Variants in TRAPPC8 observed in about 807,000 individuals in gnomAD.
TRAPPC8 encodes trafficking protein particle complex subunit 8.
A neutral mutation model predicts 174.3 loss-of-function variants in TRAPPC8; 54 were observed. The ratio of observed to expected loss-of-function variants is 0.31; its 90% CI spans 0.25 to 0.39. The LOEUF (loss-of-function observed/expected upper bound fraction) is 0.39, where lower values mean the gene tolerates loss of function less well. Ranked by LOEUF, TRAPPC8 falls within the 10% of genes least tolerant of loss-of-function variation. TRAPPC8 has a pLI of 1.00. For synonymous variants in TRAPPC8, 630 were observed against 579.9 expected (o/e 1.09, Z -1.24); for missense variants, 1,531 against 1,699.1 (o/e 0.90, Z 1.74).
intron 26 of TRAPPC8, chr18:31,844,575 T>G (rs1346841978): frequency 2.6e-5 from 4 of 152,098 alleles, no homozygotes; most frequent in Non-Finnish European, 4.4e-5. Flanking sequence ...GACTTCTAAA[T>G]TATACTGAAT....
chr18:31,882,641 G>C (rs1345919886), intron 12 of TRAPPC8, among the ~76,000 whole-genome samples: 1 of 151,850 alleles, frequency 6.6e-6, no homozygotes, highest in Non-Finnish European at 1.5e-5. Flanking sequence ...TTTCGAGACA[G>C]AGTCTCGCTC....
chr18:31,839,519 AGCAT>A, intron 26 of TRAPPC8, 62 bp from the exon 27 acceptor site: 1 of 1,388,850 alleles, frequency 7.2e-7, no homozygotes, highest in African/African-American at 1.5e-5. Context: ...AAAAAAAAAA[AGCAT>A]AGTGTATATA....
chr18:31,877,855 A>T (rs2035236894), intron 12 of TRAPPC8, among the ~76,000 whole-genome samples: 1 of 150,592 alleles, frequency 6.6e-6, no homozygotes, highest in Non-Finnish European at 1.5e-5. Context: ...TCCAGGAGGC[A>T]GAGATTGCAG....
intron 2 of TRAPPC8, among the ~76,000 whole-genome samples, chr18:31,918,056 GT>G (rs2037225360): frequency 1.3e-5 from 2 of 152,078 alleles, no homozygotes; most frequent in Non-Finnish European, 2.9e-5. Flanking sequence ...AACCCGGGAG[GT>G]GGGGGTTGAA....
Position 31,900,974 on chromosome 18 carries a change from G to A in TRAPPC8, c.1441C>T (p.Pro481Ser). The A allele has an allele frequency of 6.3e-7, 1 of 1,591,730 alleles. No homozygotes were observed. The highest frequency in any genetic ancestry group is 8.5e-7 in the Non-Finnish European group (1 of 1,173,836). Residue 481 changes from proline (P) to serine (S), a missense_variant, in exon 10 of 29, where the codon CCT becomes TCT. By Grantham distance (74) the Pro-to-Ser change is moderately conservative (BLOSUM62 -1). Coordinates refer to ENST00000283351, the MANE Select transcript of TRAPPC8 (RefSeq NM_014939.5). Reference protein sequence around the residue: ...FLQPGAPRPYPAHYMDTAIQT... With the variant: ...FLQPGAPRPYSAHYMDTAIQT... ...ATTGCTGTATCCATGTAATGAGCAG[G>A]ATATGGCCTAGGTGCTCCTGGTTGA...
At chr18:31,922,599 G>A (rs1056820180) in intron 2 of TRAPPC8, among the ~76,000 whole-genome samples, 6 of 151,666 alleles carry the variant, frequency 4.0e-5, no homozygotes, top group Admixed American at 1.3e-4. Flanking sequence ...GTCTCAAAAC[G>A]AACAAACAAA....
At chr18:31,848,319 C>T (rs988581356) in intron 25 of TRAPPC8, among the ~76,000 whole-genome samples, 3 of 140,012 alleles carry the variant, frequency 2.1e-5, no homozygotes, top group Non-Finnish European at 3.2e-5. Flanking sequence ...CTTTTCCCCT[C>T]ATCAAAGAAT....
At chr18:31,941,283 A>G (rs572899021) in intron 1 of TRAPPC8, among the ~76,000 whole-genome samples, 1 of 152,152 alleles carries the variant, frequency 6.6e-6, no homozygotes, top group Middle Eastern at 3.2e-3. Context: ...TCTCTACTAA[A>G]AATACAAAAA....
At chr18:31,938,170 G>A (rs2038184125) in intron 1 of TRAPPC8, among the ~76,000 whole-genome samples, 1 of 151,682 alleles carries the variant, frequency 6.6e-6, no homozygotes, top group African/African-American at 2.4e-5. Flanking sequence ...GCAAAAACAA[G>A]GCTTAATTTT....
chr18:31,913,177 A>G (rs950395919), intron 5 of TRAPPC8, among the ~76,000 whole-genome samples, 192 bp downstream of exon 5: 1 of 152,178 alleles, frequency 6.6e-6, no homozygotes, highest in Non-Finnish European at 1.5e-5. Context: ...CACACCTGAA[A>G]AGAGTGCACA....
intron 1 of TRAPPC8, among the ~76,000 whole-genome samples, chr18:31,940,748 C>T (rs575279893): frequency 6.6e-6 from 1 of 152,136 alleles, no homozygotes; most frequent in African/African-American, 2.4e-5. Context: ...CCACCCGCCT[C>T]GGCCTCCCAA....
At chr18:31,854,522 T>C (rs890401146) in intron 21 of TRAPPC8, among the ~76,000 whole-genome samples, 9 of 152,154 alleles carry the variant, frequency 5.9e-5, no homozygotes, top group African/African-American at 1.9e-4. Context: ...TAGCCCTAAA[T>C]ATCCTAGAAA....
intron 12 of TRAPPC8, among the ~76,000 whole-genome samples, chr18:31,880,090 A>AAAAAAAAAAT (rs1259899654): frequency 7.0e-5 from 6 of 85,380 alleles, no homozygotes; most frequent in African/African-American, 3.1e-4. Flanking sequence ...TGAAAAAAAA[A>AAAAAAAAAAT]ATATATATAT....
chr18:31,924,575 A>C (rs1033459755), intron 2 of TRAPPC8, among the ~76,000 whole-genome samples: 1 of 151,884 alleles, frequency 6.6e-6, no homozygotes, highest in Non-Finnish European at 1.5e-5. Context: ...AGCCTGGCCA[A>C]CATCATGAAA....
chr18:31,906,053 A>AT (rs1218291556), intron 9 of TRAPPC8, among the ~76,000 whole-genome samples: 1 of 151,782 alleles, frequency 6.6e-6, no homozygotes, highest in Non-Finnish European at 1.5e-5. Context: ...AACATAGCAT[A>AT]TTTTCCATTT....
At position 31,928,923 on chromosome 18, in the gene TRAPPC8, G is replaced by A. The variant is rs1568148709; in HGVS notation, c.352+2406C>T. 2.0e-5 allele frequency among the ~76,000 whole-genome samples: 3 copies of A among 152,172 alleles called. No homozygotes were observed. The South Asian group carries it at 6.2e-4, about 32-fold the overall frequency. ...AGGCCAGGAGTGGTGGCTCACGCCT[G>A]TAATCCCAGCACTTTGGGAGGCTGA... On this transcript the variant is annotated intron_variant, in intron 2 of 28. Transcript: ENST00000283351.
At chr18:31,849,432 T>A in intron 25 of TRAPPC8, 134 bp downstream of exon 25, 1 of 768,702 alleles carries the variant, frequency 1.3e-6, no homozygotes, top group Non-Finnish European at 1.8e-6. Context: ...AAAAAATATG[T>A]AACTGTTAAA....
intron 1 of TRAPPC8, among the ~76,000 whole-genome samples, chr18:31,934,559 C>G (rs1164584818): frequency 3.3e-5 from 5 of 152,110 alleles, no homozygotes; most frequent in Admixed American, 3.3e-4. Flanking sequence ...ACATATTGGA[C>G]AAGTATTTTC....
chr18:31,858,013 G>A (rs1236514372), intron 19 of TRAPPC8, 31 bp from the exon 20 acceptor site: 5 of 1,522,594 alleles, frequency 3.3e-6, no homozygotes, highest in Non-Finnish European at 3.5e-6. Context: ...ATTATTATTT[G>A]TCTGTTAAAA....
Sources: allele counts gnomAD v4.1 joint callset (sites outside exome capture counted in the v4.1 genomes callset), GRCh38; gene constraint gnomAD v4.1.1; transcripts MANE v1.5; gene names NCBI Gene and HGNC (gene_info 2026-07-23, HGNC 2026-07-21).